FOXP2: variants seen among roughly 807,000 people sequenced by gnomAD.
The protein encoded by FOXP2 is forkhead box P2, also known as forkhead box protein P2.
In FOXP2, 12 loss-of-function variants were observed where a neutral mutation model predicts 115.8. The observed-to-expected ratio is 0.10, with a 90% CI of 0.07 to 0.17. The LOEUF is 0.17. Ranked by LOEUF, FOXP2 falls within the 10% of genes least tolerant of loss-of-function variation. The pLI is 1.00. For synonymous variants in FOXP2, 328 were observed against 297.7 expected, an observed-to-expected ratio of 1.10 and a Z score of -1.05; for missense variants, 629 against 843.5, an observed-to-expected ratio of 0.75 and a Z score of 3.15.
upstream of FOXP2, chr7:114,086,684 G>T: frequency 7.4e-6 from 2 of 270,026 alleles, no homozygotes; most frequent in Non-Finnish European, 1.5e-5. Context: ...CTCCACGCTG[G>T]GCCGAGCTGC....
In FOXP2 at chr7:114,691,661, C is replaced by T. The variant is rs1007457046; in HGVS notation, c.*1735C>T. On this transcript the variant is annotated 3_prime_UTR_variant, in exon 17 of 17. Transcript: ENST00000350908. ...GCCAAGTCTTGATAATACTTTTTCCCCCAACCAAGGGACCTCATAACCTGA... is the reference window on the plus strand; with the variant it reads ...GCCAAGTCTTGATAATACTTTTTCCTCCAACCAAGGGACCTCATAACCTGA... 1 of 453,712 alleles carries T rather than the reference C, an allele frequency of 2.2e-6. No individual in the cohort carries two copies. Among genetic ancestry groups the T allele is most frequent in the African/African-American group, 2.0e-5 (1 of 49,908 alleles). 28.1% of individuals were successfully genotyped at this position (453,712 alleles called of 1,614,324 possible).
intron 2 of FOXP2, among the ~76,000 whole-genome samples, chr7:114,503,329 T>A (rs1411980449): frequency 6.6e-6 from 1 of 151,666 alleles, no homozygotes; most frequent in Non-Finnish European, 1.5e-5. Context: ...TAAAATTTTT[T>A]TATTGTATTA....
chr7:114,292,100 A>G (rs1287672779), intron 2 of FOXP2, among the ~76,000 whole-genome samples: 1 of 150,608 alleles, frequency 6.6e-6, no homozygotes, highest in Non-Finnish European at 1.5e-5. Context: ...GTATTTTAAA[A>G]TAATCATCAG....
chr7:114,641,920 C>T (rs1805556012), intron 6 of FOXP2, among the ~76,000 whole-genome samples: 1 of 152,070 alleles, frequency 6.6e-6, no homozygotes, highest in East Asian at 1.9e-4. Context: ...ATTCTCCCGC[C>T]TCAACCTCCT....
chr7:114,131,591 G>C (rs914126758), intron 1 of FOXP2, among the ~76,000 whole-genome samples: 1 of 152,038 alleles, frequency 6.6e-6, no homozygotes. Flanking sequence ...AGAGAAATGT[G>C]TAAAAAAAGG....
chr7:114,531,515 A>G (rs1391464904), intron 2 of FOXP2, among the ~76,000 whole-genome samples: 2 of 151,876 alleles, frequency 1.3e-5, no homozygotes, highest in South Asian at 2.1e-4. Context: ...AAAATGTCAT[A>G]TGATGCATGC....
intron 2 of FOXP2, among the ~76,000 whole-genome samples, chr7:114,530,566 A>T (rs557141604): frequency 2.6e-5 from 4 of 151,692 alleles, no homozygotes; most frequent in South Asian, 4.2e-4. Context: ...CATACTCAAC[A>T]TTTTTTTTGT....
chr7:114,570,552 A>C (rs945256789), intron 3 of FOXP2, among the ~76,000 whole-genome samples: 10 of 151,912 alleles, frequency 6.6e-5, no homozygotes, highest in African/African-American at 1.9e-4. Context: ...GTATCATGGT[A>C]CATAATCAGT....
At chr7:114,293,186 G>A (rs1343903507) in intron 2 of FOXP2, among the ~76,000 whole-genome samples, 2 of 152,130 alleles carry the variant, frequency 1.3e-5, no homozygotes, top group African/African-American at 4.8e-5. Flanking sequence ...TACGGCACAA[G>A]TTCTGTTTGC....
intron 1 of FOXP2, among the ~76,000 whole-genome samples, chr7:114,250,670 T>G (rs1300482173): frequency 6.6e-6 from 1 of 152,224 alleles, no homozygotes; most frequent in African/African-American, 2.4e-5. Context: ...TAAATTTGTT[T>G]GAGTTTTTTG....
chr7:114,261,343 G>T (rs904763954), intron 1 of FOXP2, among the ~76,000 whole-genome samples: 2 of 151,954 alleles, frequency 1.3e-5, no homozygotes, highest in Non-Finnish European at 2.9e-5. Flanking sequence ...AATGTTTCAG[G>T]TTTGTACTTC....
chr7:114,182,338 A>C (rs1361984792), intron 1 of FOXP2, among the ~76,000 whole-genome samples: 1 of 152,062 alleles, frequency 6.6e-6, no homozygotes, highest in Non-Finnish European at 1.5e-5. Context: ...CTGTCTTTTT[A>C]AAAAAGAAAA....
At chr7:114,329,387 C>T (rs1167742672) in intron 2 of FOXP2, among the ~76,000 whole-genome samples, 6 of 151,340 alleles carry the variant, frequency 4.0e-5, no homozygotes, top group Admixed American at 1.3e-4. Context: ...GGCATAGTGG[C>T]GGGTGCCTGT....
chr7:114,379,322 G>C (rs780891379), intron 2 of FOXP2, among the ~76,000 whole-genome samples: 4 of 152,090 alleles, frequency 2.6e-5, no homozygotes, highest in African/African-American at 9.7e-5. Context: ...GCTAAGTTGC[G>C]AGCACCATGT....
intron 2 of FOXP2, among the ~76,000 whole-genome samples, chr7:114,305,757 G>T (rs1026574397): frequency 6.6e-6 from 1 of 152,054 alleles, no homozygotes; most frequent in African/African-American, 2.4e-5. Flanking sequence ...TACTGTGTTT[G>T]CTCTGTGCCA....
chr7:114,641,121 C>G (rs1805504061), intron 6 of FOXP2, among the ~76,000 whole-genome samples: 1 of 152,178 alleles, frequency 6.6e-6, no homozygotes, highest in African/African-American at 2.4e-5. Flanking sequence ...CACGTAGAAG[C>G]TGTGTGATCT....
intron 2 of FOXP2, among the ~76,000 whole-genome samples, chr7:114,500,376 G>C (rs1270354858): frequency 2.0e-5 from 3 of 151,936 alleles, no homozygotes; most frequent in African/African-American, 7.2e-5. Flanking sequence ...AGATGTCTAA[G>C]TACTTATTCC....
At chr7:114,388,911 T>A (rs981484164) in intron 2 of FOXP2, among the ~76,000 whole-genome samples, 1 of 152,220 alleles carries the variant, frequency 6.6e-6, no homozygotes, top group African/African-American at 2.4e-5. Flanking sequence ...ATAGAACTTT[T>A]TAGAATGCAT....
chr7:114,395,186 CATTA>C (rs1234659860), intron 2 of FOXP2, among the ~76,000 whole-genome samples: 1 of 152,134 alleles, frequency 6.6e-6, no homozygotes, highest in Non-Finnish European at 1.5e-5. Context: ...GAAAAAGAGC[CATTA>C]ATTCAATACA....
Sources: allele counts gnomAD v4.1 joint callset (sites outside exome capture counted in the v4.1 genomes callset), GRCh38; gene constraint gnomAD v4.1.1; transcripts MANE v1.5; gene names NCBI Gene and HGNC (gene_info 2026-07-23, HGNC 2026-07-21).